The following STXBP5L variants were observed in gnomAD, a reference collection of about 807,000 sequenced individuals.
STXBP5L encodes syntaxin binding protein 5L.
STXBP5L carries 65 observed loss-of-function variants against 144.5 expected under a neutral mutation model. The ratio of observed to expected loss-of-function variants is 0.45; its 90% CI spans 0.37 to 0.55. The LOEUF is 0.55. STXBP5L is among the 20% of genes least tolerant of loss of function. The pLI is 0.00. For missense variants in STXBP5L, 1,298 were observed against 1,405.5 expected (o/e 0.92, Z 1.22); for synonymous variants, 505 against 469.6 (o/e 1.08, Z -0.97).
At chr3:120,930,701 G>A (rs1709884954) in intron 2 of STXBP5L, among the ~76,000 whole-genome samples, 1 of 152,092 alleles carries the variant, frequency 6.6e-6, no homozygotes, top group South Asian at 2.1e-4. Flanking sequence ...CCCCCAAACA[G>A]CCCGTCGGTT....
intron 3 of STXBP5L, among the ~76,000 whole-genome samples, chr3:120,959,142 C>A (rs1268141156): frequency 6.6e-6 from 1 of 152,126 alleles, no homozygotes. Context: ...GAGTGAACTC[C>A]CATTCACAAT....
chr3:121,287,615 G>T (rs1201975997), intron 19 of STXBP5L, among the ~76,000 whole-genome samples: 2 of 152,020 alleles, frequency 1.3e-5, no homozygotes, highest in African/African-American at 4.8e-5. Context: ...TGGATCACGA[G>T]GTCAGGGGTT....
chr3:121,378,168 G>A (rs900054889), intron 20 of STXBP5L, among the ~76,000 whole-genome samples: 6 of 151,992 alleles, frequency 3.9e-5, no homozygotes, highest in Admixed American at 1.3e-4. Flanking sequence ...GAGGCCTGTC[G>A]GGGGGTGGGG....
intron 20 of STXBP5L, among the ~76,000 whole-genome samples, chr3:121,354,747 G>C (rs934361446): frequency 6.6e-6 from 1 of 151,950 alleles, no homozygotes; most frequent in Non-Finnish European, 1.5e-5. Flanking sequence ...ATGTTAGCTG[G>C]TTATTTTGCC....
chr3:121,166,774 G>T (rs2046515345), intron 9 of STXBP5L, among the ~76,000 whole-genome samples: 1 of 152,128 alleles, frequency 6.6e-6, no homozygotes, highest in Admixed American at 6.5e-5. Flanking sequence ...TTTTCAGAGA[G>T]AGTCTTCTCT....
At chr3:121,136,365 C>T (rs769223381) in intron 7 of STXBP5L, among the ~76,000 whole-genome samples, 1 of 152,174 alleles carries the variant, frequency 6.6e-6, no homozygotes, top group South Asian at 2.1e-4. Flanking sequence ...TAGACCTGCC[C>T]TGGTGTCAGT....
At chr3:121,282,814 T>A (rs1280454449) in intron 19 of STXBP5L, among the ~76,000 whole-genome samples, 3 of 152,014 alleles carry the variant, frequency 2.0e-5, no homozygotes, top group Non-Finnish European at 2.9e-5. Context: ...TATTCCTGAT[T>A]TCTGATGATT....
At chr3:121,046,665 C>A (rs533344440) in intron 5 of STXBP5L, among the ~76,000 whole-genome samples, 1 of 152,058 alleles carries the variant, frequency 6.6e-6, no homozygotes, top group Non-Finnish European at 1.5e-5. Flanking sequence ...TCATAGCAGT[C>A]TCTGAGGGTT....
intron 20 of STXBP5L, among the ~76,000 whole-genome samples, chr3:121,369,989 C>T (rs2045982639): frequency 6.6e-6 from 1 of 152,134 alleles, no homozygotes; most frequent in Non-Finnish European, 1.5e-5. Context: ...GAGGAGGGGC[C>T]TGATCGGCAG....
At chr3:121,020,084 A>G (rs962823248) in intron 3 of STXBP5L, among the ~76,000 whole-genome samples, 8 of 152,232 alleles carry the variant, frequency 5.3e-5, no homozygotes, top group African/African-American at 1.9e-4. Flanking sequence ...ATAAAAAACA[A>G]TCACAACTTC....
chr3:121,094,682 GT>G (rs1347013312), intron 5 of STXBP5L, among the ~76,000 whole-genome samples: 1 of 152,100 alleles, frequency 6.6e-6, no homozygotes, highest in Non-Finnish European at 1.5e-5. Context: ...ACGTGAGATG[GT>G]TTTCCTGAAT....
chr3:121,299,267 A>G (rs2051790278), intron 19 of STXBP5L, among the ~76,000 whole-genome samples: 1 of 152,192 alleles, frequency 6.6e-6, no homozygotes, highest in East Asian at 1.9e-4. Context: ...TTATAGAAAT[A>G]ATTAAGCTGG....
chr3:121,146,555 A>G (rs1343730653), intron 7 of STXBP5L, among the ~76,000 whole-genome samples: 1 of 152,100 alleles, frequency 6.6e-6, no homozygotes, highest in African/African-American at 2.4e-5. Context: ...TTACCAGACA[A>G]TAATTTGCAA....
rs542552517 is a variant in STXBP5L at position 120,960,207 on chromosome 3, A to G, written c.287+5170A>G. Among the ~76,000 whole-genome samples, 424 of 152,354 alleles carry G rather than the reference A, an allele frequency of 2.8e-3. 5 individuals are homozygous for G. Among genetic ancestry groups the G allele is most frequent in the African/African-American group, 9.8e-3 (407 of 41,580 alleles). Reference sequence around the variant, plus strand: ...AGAAATGCAAATCAAAACCACAATGAGATACCATCTCATGCCAGTTAGAAT... The same window carrying G: ...AGAAATGCAAATCAAAACCACAATGGGATACCATCTCATGCCAGTTAGAAT... On this transcript the variant is annotated intron_variant, in intron 3 of 26. Transcript: ENST00000471454.
chr3:121,141,656 T>C (rs2045510638), intron 7 of STXBP5L, among the ~76,000 whole-genome samples: 3 of 152,086 alleles, frequency 2.0e-5, no homozygotes, highest in Admixed American at 6.6e-5. Flanking sequence ...GGAAGAGAAG[T>C]TTAAGTGTAG....
intron 20 of STXBP5L, among the ~76,000 whole-genome samples, chr3:121,361,289 A>T (rs188571600): frequency 4.6e-5 from 7 of 152,150 alleles, no homozygotes; most frequent in Non-Finnish European, 1.0e-4. Context: ...GTTAAATCTT[A>T]TTGGTGTTCT....
At position 120,971,060 on chromosome 3, in the gene STXBP5L, A is replaced by G. The variant is rs546518665; in HGVS notation, c.287+16023A>G. 2.0e-5 allele frequency among the ~76,000 whole-genome samples: 3 copies of G among 152,218 alleles called. No homozygotes were observed. The South Asian group carries it at 6.2e-4, about 32-fold the overall frequency. On this transcript the variant is annotated intron_variant, in intron 3 of 26. Transcript: ENST00000471454. The stretch of plus-strand genomic sequence containing the variant: ...TGTTTCCCAGTCTGGGGAAGACTTA[A>G]GCAGAAACTAGGACTTAATTCTGAC...
At chr3:121,343,179 C>T (rs1345182620) in intron 20 of STXBP5L, among the ~76,000 whole-genome samples, 2 of 152,174 alleles carry the variant, frequency 1.3e-5, no homozygotes, top group East Asian at 3.9e-4. Context: ...CCTTCACCCA[C>T]TTTTTGATGG....
At chr3:121,078,772 A>G (rs2042132238) in intron 5 of STXBP5L, among the ~76,000 whole-genome samples, 1 of 152,242 alleles carries the variant, frequency 6.6e-6, no homozygotes, top group African/African-American at 2.4e-5. Context: ...GGGACCCAGT[A>G]CACCCTCCGC....
Sources: allele counts gnomAD v4.1 joint callset (sites outside exome capture counted in the v4.1 genomes callset), GRCh38; gene constraint gnomAD v4.1.1; transcripts MANE v1.5; gene names NCBI Gene and HGNC (gene_info 2026-07-23, HGNC 2026-07-21).